Variants in PDCD11 observed in about 807,000 individuals in gnomAD.
The protein encoded by PDCD11 is protein RRP5 homolog.
A neutral mutation model predicts 198.9 loss-of-function variants in PDCD11; 97 were observed. That is an observed-to-expected ratio of 0.49 (90% CI 0.41 to 0.58). The LOEUF is 0.58. Ranked by LOEUF, PDCD11 falls within the 20% of genes least tolerant of loss-of-function variation. PDCD11 has a pLI of 0.00. For missense variants in PDCD11, 2,102 were observed against 2,312.7 expected (o/e 0.91, Z 1.87); for synonymous variants, 893 against 918.0 (o/e 0.97, Z 0.49).
Position 103,398,483 on chromosome 10 carries a change from A to C in PDCD11, c.57A>C (p.Pro19=). 9 of 1,614,192 alleles carry C rather than the reference A, an allele frequency of 5.6e-6. No individual in the cohort carries two copies. The highest frequency in any genetic ancestry group is 7.6e-6 in the Non-Finnish European group (9 of 1,179,992). Residue 19 remains proline (P), a synonymous_variant, in exon 2 of 36, where the codon CCA becomes CCC. Coordinates refer to ENST00000369797, the MANE Select transcript of PDCD11 (RefSeq NM_014976.2). ...PRGGTRKIHK[P]EKAFQQSVEQ... is the part of the protein sequence containing the mutation. ...GAGGTACAAGAAAGATCCACAAACCAGAGAAAGCTTTCCAGCAGTCAGTTG... is the reference window on the plus strand; with the variant it reads ...GAGGTACAAGAAAGATCCACAAACCCGAGAAAGCTTTCCAGCAGTCAGTTG...
chr10:103,435,624 T>C (rs1421737141), intron 25 of PDCD11, among the ~76,000 whole-genome samples: 1 of 152,144 alleles, frequency 6.6e-6, no homozygotes, highest in East Asian at 1.9e-4. Flanking sequence ...GCAATTCTCC[T>C]GCCTCAGCCT....
intron 16 of PDCD11, among the ~76,000 whole-genome samples, chr10:103,420,838 G>A (rs1183254199): frequency 6.6e-6 from 1 of 151,924 alleles, no homozygotes; most frequent in Admixed American, 6.6e-5. Flanking sequence ...GCCCTCTCCT[G>A]GAGGCTCTGT....
At chr10:103,444,806 C>A in intron 35 of PDCD11, 124 bp downstream of exon 35, 1 of 862,214 alleles carries the variant, frequency 1.2e-6, no homozygotes, top group African/African-American at 1.7e-5. Flanking sequence ...GATGTGATGC[C>A]CCAGGCCCAG....
chr10:103,413,439 T>A, intron 9 of PDCD11, 117 bp downstream of exon 9: 2 of 758,438 alleles, frequency 2.6e-6, no homozygotes, highest in Non-Finnish European at 4.4e-6. Context: ...TTGGATATTG[T>A]AGTTCTAATT....
At chr10:103,424,374 T>TGGAA (rs1277290903) in intron 19 of PDCD11, among the ~76,000 whole-genome samples, 6 of 152,208 alleles carry the variant, frequency 3.9e-5, no homozygotes, top group Admixed American at 3.3e-4. Context: ...TTGCTTACAG[T>TGGAA]ATTAAGAGTT....
chr10:103,444,297 A>T (rs976908132), intron 34 of PDCD11: 27 of 624,328 alleles, frequency 4.3e-5, no homozygotes, highest in African/African-American at 3.5e-4. Flanking sequence ...TGCCCCTGGG[A>T]TCCCCCACCT....
At chr10:103,414,398 A>G in intron 11 of PDCD11, 68 bp downstream of exon 11, 1 of 1,119,696 alleles carries the variant, frequency 8.9e-7, no homozygotes, top group Admixed American at 1.8e-5. Context: ...CGCACAGGTG[A>G]CTGTCAGCCC....
In PDCD11 at chr10:103,445,556, G is replaced by A. The variant is rs746530466; in HGVS notation, c.*7G>A. ...CTCAGTGCTAGAGGACTAGTGGCAG[G>A]CTGGCTCTGTGGGACACTGTCAACA... On this transcript the variant is annotated 3_prime_UTR_variant, in exon 36 of 36. Coordinates refer to ENST00000369797, the MANE Select transcript of PDCD11 (RefSeq NM_014976.2). 1.0e-4 allele frequency: 162 copies of A among 1,612,170 alleles called. No individual in the cohort carries two copies. Among genetic ancestry groups the A allele is most frequent in the Non-Finnish European group, 3.6e-5 (43 of 1,179,714 alleles).
intron 34 of PDCD11, 62 bp downstream of exon 34, chr10:103,444,130 G>T: frequency 6.9e-7 from 1 of 1,441,318 alleles, no homozygotes. Context: ...GTAGGAACTG[G>T]CTGTGGCATT....
Position 103,412,919 on chromosome 10 carries a change from C to T in PDCD11, c.979-197C>T, listed in dbSNP as rs572907898. Among the ~76,000 whole-genome samples the T allele has an allele frequency of 2.6e-5, 4 of 152,320 alleles. No individual in the cohort carries two copies. The South Asian group carries it at 6.2e-4, about 24-fold the overall frequency. ...TGGCTTGAGTAAGCTTTGATTTAGT[C>T]ATACATAGTCCCTATGGGACATTTT... On this transcript the variant is annotated intron_variant, in intron 8 of 35. Coordinates refer to ENST00000369797, the MANE Select transcript of PDCD11 (RefSeq NM_014976.2).
chr10:103,429,064 G>A (rs1297985264), intron 21 of PDCD11, among the ~76,000 whole-genome samples: 1 of 152,138 alleles, frequency 6.6e-6, no homozygotes, highest in African/African-American at 2.4e-5. Context: ...TTGACTTAAC[G>A]GAGGAATTAT....
At chr10:103,424,239 G>A (rs901244694) in intron 19 of PDCD11, among the ~76,000 whole-genome samples, 4 of 152,088 alleles carry the variant, frequency 2.6e-5, no homozygotes, top group African/African-American at 9.7e-5. Context: ...CATAAGAATG[G>A]GTTTGAGGGA....
chr10:103,440,449 G>A lies in PDCD11; in HGVS notation c.4308G>A (p.Gln1436=), dbSNP rs2032332566. ...ERDQKGEKKN[Q]KRNEKKNQKG... Reference sequence around the variant, plus strand: ...ACCAAAAAGGGGAAAAGAAAAATCAGAAAAGGAACGAGAAGAAGAACCAGA... The same window carrying A: ...ACCAAAAAGGGGAAAAGAAAAATCAAAAAAGGAACGAGAAGAAGAACCAGA... Residue 1436 remains glutamine (Q), a synonymous_variant, in exon 29 of 36, where the codon CAG becomes CAA. Transcript: ENST00000369797. 1 of 1,614,000 alleles carries A rather than the reference G, an allele frequency of 6.2e-7. No individual in the cohort carries two copies. Among genetic ancestry groups the A allele is most frequent in the Non-Finnish European group, 8.5e-7 (1 of 1,179,976 alleles).
intron 3 of PDCD11, among the ~76,000 whole-genome samples, chr10:103,401,601 G>T (rs2030066533): frequency 6.6e-6 from 1 of 152,054 alleles, no homozygotes; most frequent in South Asian, 2.1e-4. Context: ...ACACCAATAT[G>T]TGTTAGTTAT....
rs1015964890 is a variant in PDCD11, at chr10:103,406,183, A to G, written c.688+75A>G. On this transcript the variant is annotated intron_variant, in intron 6 of 35. Coordinates refer to ENST00000369797, the MANE Select transcript of PDCD11 (RefSeq NM_014976.2). ...GGGATTATATTTAAGTGCCATTTTGATGAGTAACATGACAGAATGGTGACC... is the reference window on the plus strand; with the variant it reads ...GGGATTATATTTAAGTGCCATTTTGGTGAGTAACATGACAGAATGGTGACC... 10 of 1,526,052 alleles carry G rather than the reference A, an allele frequency of 6.6e-6. No individual in the cohort carries two copies. The African/African-American group carries it at 8.2e-5, about 13-fold the overall frequency. 94.5% of individuals were successfully genotyped at this position (1,526,052 alleles called of 1,614,324 possible).
At chr10:103,429,901 G>A (rs1047314055) in intron 21 of PDCD11, among the ~76,000 whole-genome samples, 1 of 152,074 alleles carries the variant, frequency 6.6e-6, no homozygotes, top group African/African-American at 2.4e-5. Flanking sequence ...TACAGTATGC[G>A]TCCTTTTGTG....
At position 103,440,242 on chromosome 10, in the gene PDCD11, C is replaced by T. The variant is rs770021173; in HGVS notation, c.4149-48C>T. 21 of 1,564,290 alleles carry T rather than the reference C, an allele frequency of 1.3e-5. No homozygotes were observed. In the East Asian group the frequency reaches 4.5e-4, roughly 33 times the overall value. On this transcript the variant is annotated intron_variant, in intron 28 of 35. Coordinates refer to ENST00000369797, the MANE Select transcript of PDCD11 (RefSeq NM_014976.2). The stretch of plus-strand genomic sequence containing the variant: ...AAAAGGCCTGGGCCGCCTGTGGTGC[C>T]CTCTGCTTTTTATGATGTCTTTACC...
At chr10:103,427,629 TTC>T (rs1437462181) in intron 21 of PDCD11, among the ~76,000 whole-genome samples, 1 of 152,176 alleles carries the variant, frequency 6.6e-6, no homozygotes, top group East Asian at 1.9e-4. Context: ...CTGGTTTCAG[TTC>T]TGTTTGTCAG....
chr10:103,405,022 G>A lies in PDCD11; in HGVS notation c.403G>A (p.Asp135Asn). ...EQVTQEQPLK[D>N]LLHLPELFSP... is the part of the protein sequence containing the mutation. ...GGTCTTTCTCATTTGTGTTATGCAG[G>A]ACCTACTTCACTTGCCTGAACTTTT... Residue 135 changes from aspartate to asparagine, a missense_variant and splice_region_variant, in exon 5 of 36, where the codon GAC (aspartate) becomes AAC (asparagine). Asp to Asn is a conservative substitution (Grantham distance 23). Transcript: ENST00000369797. 6.2e-7 allele frequency: 1 copy of A among 1,613,688 alleles called. No homozygotes were observed. Among genetic ancestry groups the A allele is most frequent in the Non-Finnish European group, 8.5e-7 (1 of 1,179,762 alleles).
Sources: gnomAD v4.1 joint callset for allele counts (sites outside exome capture counted in the v4.1 genomes callset) on GRCh38, gnomAD v4.1.1 for gene constraint, MANE v1.5 for transcripts, NCBI Gene and HGNC (gene_info 2026-07-23, HGNC 2026-07-21) for gene names.